Variants in ELAVL2 observed in about 807,000 individuals in gnomAD.
The protein encoded by ELAVL2 is ELAV like RNA binding protein 2, also known as ELAV-like protein 2.
In ELAVL2, 4 loss-of-function variants were observed where a neutral mutation model predicts 34.6. The observed-to-expected ratio is 0.12, with a 90% confidence interval of 0.06 to 0.26. The LOEUF (loss-of-function observed/expected upper bound fraction) is 0.26, where lower values mean the gene tolerates loss of function less well. ELAVL2 is among the 10% of genes least tolerant of loss of function. The pLI, the probability that ELAVL2 is intolerant of heterozygous loss-of-function variation, is 1.00. For synonymous variants in ELAVL2, 193 were observed against 154.8 expected (o/e 1.25, Z -1.83); for missense variants, 432 against 442.8 (o/e 0.98, Z 0.22).
At chr9:23,823,848 T>G (rs2065110411) in intron 1 of ELAVL2, among the ~76,000 whole-genome samples, 1 of 152,166 alleles carries the variant, frequency 6.6e-6, no homozygotes, top group South Asian at 2.1e-4. Flanking sequence ...TTCTAAAAAT[T>G]TTCATTGTAA....
intron 2 of ELAVL2, among the ~76,000 whole-genome samples, chr9:23,751,991 C>G (rs560872595): frequency 1.3e-5 from 2 of 152,256 alleles, no homozygotes; most frequent in Non-Finnish European, 2.9e-5. Context: ...ACCTAGAAAG[C>G]AAAGGATGGA....
intron 3 of ELAVL2, among the ~76,000 whole-genome samples, chr9:23,718,753 T>C (rs1185886223): frequency 6.6e-6 from 1 of 152,250 alleles, no homozygotes; most frequent in African/African-American, 2.4e-5. Flanking sequence ...TGTTGTTTTA[T>C]GACTTTAAGT....
chr9:23,730,508 A>C (rs902503134), intron 3 of ELAVL2, among the ~76,000 whole-genome samples: 1 of 152,134 alleles, frequency 6.6e-6, no homozygotes, highest in African/African-American at 2.4e-5. Flanking sequence ...AATAAAAAGA[A>C]TATTTGTAAT....
chr9:23,789,163 A>G (rs762152474), intron 1 of ELAVL2, among the ~76,000 whole-genome samples: 9 of 152,132 alleles, frequency 5.9e-5, no homozygotes, highest in Non-Finnish European at 1.2e-4. Context: ...TGGCCTGCTT[A>G]TTCAGTTCCT....
chr9:23,692,253 GA>G lies in ELAVL2; in HGVS notation c.*303del, dbSNP rs1457672548. On this transcript the variant is annotated 3_prime_UTR_variant, in exon 7 of 7. Transcript: ENST00000397312. ...TCAAGGCAGTTATGTAAAAAGAAAAGAAATGTCTTCCCTTAGCTGAAACACT... is the reference window on the plus strand; with the variant it reads ...TCAAGGCAGTTATGTAAAAAGAAAAGAATGTCTTCCCTTAGCTGAAACACT... 4 of 241,724 alleles carry G rather than the reference GA, an allele frequency of 1.7e-5. No homozygotes were observed. The highest frequency in any genetic ancestry group is 3.2e-5 in the Non-Finnish European group (4 of 124,266). 15.0% of individuals were successfully genotyped at this position (241,724 alleles called of 1,614,324 possible). A position where few individuals can be genotyped will look rare whatever the true frequency, so the allele number is the denominator to read the frequency against.
Position 23,730,576 on chromosome 9 carries a change from A to G in ELAVL2, c.333+446T>C, listed in dbSNP as rs553290675. On this transcript the variant is annotated intron_variant, in intron 3 of 6. Transcript: ENST00000397312. ...GCCCATAAATAAAGTTTTATTGGAT[A>G]ACGGCTGCATCCATTTGTTTATGTA... is the stretch of plus-strand genomic sequence containing the variant. Among the ~76,000 whole-genome samples the G allele has an allele frequency of 3.9e-5, 6 of 152,292 alleles. No homozygotes were observed. In the East Asian group the frequency reaches 9.6e-4, roughly 24 times the overall value.
At chr9:23,735,141 A>G (rs957451436) in intron 2 of ELAVL2, 3 of 148,474 alleles carry the variant, frequency 2.0e-5, no homozygotes, top group Non-Finnish European at 4.5e-5. Flanking sequence ...CTTAAGAAAA[A>G]CAAATCCTGT....
chr9:23,763,711 A>G (rs896844584), intron 1 of ELAVL2, among the ~76,000 whole-genome samples: 3 of 152,146 alleles, frequency 2.0e-5, no homozygotes, highest in Non-Finnish European at 2.9e-5. Context: ...TTTACAAAAG[A>G]AGGCAGTGTT....
chr9:23,814,242 G>T (rs2063406784), intron 1 of ELAVL2, among the ~76,000 whole-genome samples: 1 of 152,068 alleles, frequency 6.6e-6, no homozygotes, highest in Non-Finnish European at 1.5e-5. Context: ...GATTCACTTG[G>T]TCACAGAAGA....
chr9:23,710,547 C>G (rs1452266675), intron 3 of ELAVL2, among the ~76,000 whole-genome samples: 1 of 152,086 alleles, frequency 6.6e-6, no homozygotes, highest in Non-Finnish European at 1.5e-5. Context: ...GAGAAGTCAC[C>G]CACTGCTAAG....
intron 3 of ELAVL2, among the ~76,000 whole-genome samples, chr9:23,710,681 T>C (rs73654360): frequency 0.012 from 1,781 of 152,300 alleles, 28 homozygotes; most frequent in African/African-American, 0.041. Flanking sequence ...TCTCTCCAGC[T>C]GAAAGGTCAC....
intron 1 of ELAVL2, among the ~76,000 whole-genome samples, chr9:23,809,200 C>A (rs1299061687): frequency 2.0e-5 from 3 of 152,084 alleles, no homozygotes; most frequent in Non-Finnish European, 4.4e-5. Context: ...ACCAGAGGCA[C>A]CTGCTTGAAA....
At chr9:23,732,814 G>C (rs2046911549) in intron 2 of ELAVL2, among the ~76,000 whole-genome samples, 1 of 151,996 alleles carries the variant, frequency 6.6e-6, no homozygotes, top group Admixed American at 6.6e-5. Context: ...TCTAAAACGA[G>C]GGTAATTCCT....
chr9:23,820,876 C>G (rs1164620751), intron 1 of ELAVL2, among the ~76,000 whole-genome samples: 1 of 152,156 alleles, frequency 6.6e-6, no homozygotes, highest in Non-Finnish European at 1.5e-5. Context: ...GCACGCCTCG[C>G]GCGCAAACCC....
At chr9:23,765,936 A>G (rs1037548526) in intron 1 of ELAVL2, among the ~76,000 whole-genome samples, 3 of 152,174 alleles carry the variant, frequency 2.0e-5, no homozygotes, top group Non-Finnish European at 4.4e-5. Flanking sequence ...AAACTTGCCC[A>G]AATACCAAAC....
chr9:23,771,609 T>A (rs1230341428), intron 1 of ELAVL2, among the ~76,000 whole-genome samples: 1 of 152,156 alleles, frequency 6.6e-6, no homozygotes, highest in Non-Finnish European at 1.5e-5. Flanking sequence ...AAATATAAAA[T>A]CACAAATCAG....
At chr9:23,806,307 T>C (rs549487865) in intron 1 of ELAVL2, among the ~76,000 whole-genome samples, 1 of 152,110 alleles carries the variant, frequency 6.6e-6, no homozygotes, top group Admixed American at 6.6e-5. Context: ...ATAATTTTAA[T>C]CTTCATTTTA....
chr9:23,814,742 T>G (rs759613311), intron 1 of ELAVL2, among the ~76,000 whole-genome samples: 11 of 152,146 alleles, frequency 7.2e-5, no homozygotes, highest in Non-Finnish European at 1.6e-4. Context: ...TGGATACCTC[T>G]GCAATAAAGG....
chr9:23,693,689 C>G (rs2034051514), intron 5 of ELAVL2, among the ~76,000 whole-genome samples: 1 of 152,170 alleles, frequency 6.6e-6, no homozygotes, highest in African/African-American at 2.4e-5. Context: ...TGGTTTCTCT[C>G]TACAAGGGTC....
Sources: gnomAD v4.1 joint callset for allele counts (sites outside exome capture counted in the v4.1 genomes callset) on GRCh38, gnomAD v4.1.1 for gene constraint, MANE v1.5 for transcripts, NCBI Gene and HGNC (gene_info 2026-07-23, HGNC 2026-07-21) for gene names.